DMD: variants seen among roughly 807,000 people sequenced by gnomAD.
DMD encodes mutant dystrophin.
In DMD, 63 loss-of-function variants were observed where a neutral mutation model predicts 330.1. That is an observed-to-expected ratio of 0.19 (90% confidence interval 0.16 to 0.24). The LOEUF (loss-of-function observed/expected upper bound fraction) is 0.24. DMD is among the 10% of genes least tolerant of loss of function. The pLI is 1.00. For synonymous variants in DMD, 1,223 were observed against 959.8 expected, an observed-to-expected ratio of 1.27 and a Z score of -5.07; for missense variants, 3,344 against 2,684.1, an observed-to-expected ratio of 1.25 and a Z score of -5.43.
chrX:31,888,553 T>C (rs935732956), intron 47 of DMD, among the ~76,000 whole-genome samples: 2 of 111,843 alleles, frequency 1.8e-5, no homozygotes, highest in African/African-American at 6.5e-5. Flanking sequence ...TAGTATGAAA[T>C]ATTTGGAGAG....
intron 7 of DMD, among the ~76,000 whole-genome samples, chrX:32,760,014 C>A (rs1266717744): frequency 8.9e-6 from 1 of 112,047 alleles, no homozygotes; most frequent in Non-Finnish European, 1.9e-5. Context: ...GAATCAGAAG[C>A]AAAGATGCTG....
At chrX:32,042,375 A>G (rs1462183718) in intron 44 of DMD, among the ~76,000 whole-genome samples, 4 of 109,605 alleles carry the variant, frequency 3.6e-5, no homozygotes, top group Non-Finnish European at 3.8e-5. Context: ...GTAGAAAGCA[A>G]GGCACCTCCT....
chrX:32,750,045 C>T (rs1358402262), intron 7 of DMD, among the ~76,000 whole-genome samples: 1 of 112,151 alleles, frequency 8.9e-6, no homozygotes, highest in East Asian at 2.8e-4. Flanking sequence ...CCTTATTTGT[C>T]ACTTTTACCC....
intron 1 of DMD, among the ~76,000 whole-genome samples, chrX:33,069,857 C>T (rs2094718450): frequency 9.0e-6 from 1 of 111,666 alleles, no homozygotes; most frequent in Admixed American, 9.6e-5. Context: ...CCATAAAAGT[C>T]CTTCTCTACT....
chrX:31,681,236 G>C (rs1449443899), intron 52 of DMD, among the ~76,000 whole-genome samples: 1 of 111,915 alleles, frequency 8.9e-6, no homozygotes, highest in Non-Finnish European at 1.9e-5. Context: ...ATCTTAGCTG[G>C]ACATACGTGT....
intron 43 of DMD, among the ~76,000 whole-genome samples, chrX:32,255,169 C>A (rs2097293249): frequency 8.9e-6 from 1 of 112,032 alleles, no homozygotes; most frequent in Non-Finnish European, 1.9e-5. Flanking sequence ...CGTTTTGTTT[C>A]TCCATTCTTG....
chrX:31,860,635 C>T (rs2093683539), intron 48 of DMD, among the ~76,000 whole-genome samples: 1 of 111,824 alleles, frequency 8.9e-6, no homozygotes, highest in Admixed American at 9.5e-5. Flanking sequence ...TTTTGATTTT[C>T]ACAAGGAAAA....
chrX:32,207,091 T>C (rs1398681561), intron 44 of DMD, among the ~76,000 whole-genome samples: 1 of 111,829 alleles, frequency 8.9e-6, no homozygotes, highest in African/African-American at 3.3e-5. Flanking sequence ...AAGATTCATC[T>C]CTTGGGTGCA....
intron 1 of DMD, among the ~76,000 whole-genome samples, chrX:33,181,882 A>C (rs62590984): frequency 9.0e-6 from 1 of 111,724 alleles, no homozygotes; most frequent in South Asian, 3.7e-4. Flanking sequence ...CGGCCAACCC[A>C]GTGCTTTCCA....
At chrX:32,476,004 G>A (rs1269159342) in intron 21 of DMD, among the ~76,000 whole-genome samples, 1 of 110,986 alleles carries the variant, frequency 9.0e-6, no homozygotes, top group African/African-American at 3.3e-5. Context: ...CTTATAAATA[G>A]CAGTGAAGTA....
intron 18 of DMD, among the ~76,000 whole-genome samples, chrX:32,503,679 C>T (rs762443624): frequency 9.0e-6 from 1 of 110,555 alleles, no homozygotes; most frequent in East Asian, 2.9e-4. Context: ...CTTCAGCCTC[C>T]CGAGTAGCCG....
chrX:31,221,360 T>C (rs2046010990), intron 64 of DMD, among the ~76,000 whole-genome samples: 1 of 112,486 alleles, frequency 8.9e-6, no homozygotes. Flanking sequence ...TCCCCTGGAA[T>C]TCTGTGCTTT....
rs1435657234 is a variant in DMD, at chrX:32,573,893, T to C, written c.1603-47A>G. ...ACAGCATCAGCAAACAATTGGTAAC[T>C]ACGTTTTATTAAAAATGGCATGAAT... On this transcript the variant is annotated intron_variant, in intron 13 of 78. Coordinates refer to ENST00000357033, the MANE Select transcript of DMD (RefSeq NM_004006.3). 9 of 1,060,092 alleles carry C rather than the reference T, an allele frequency of 8.5e-6. No individual in the cohort carries two copies. In the South Asian group the frequency reaches 1.7e-4, roughly 20 times the overall value. The allele number at this position is 1,060,092 out of a possible 1,213,427, so 87.4% of individuals were successfully genotyped here. A position where few individuals can be genotyped will look rare whatever the true frequency, so the allele number is the denominator to read the frequency against.
chrX:31,527,661 C>A (rs927119857), intron 55 of DMD, among the ~76,000 whole-genome samples: 1 of 111,294 alleles, frequency 9.0e-6, no homozygotes, highest in Non-Finnish European at 1.9e-5. Flanking sequence ...TTCCAAAGTT[C>A]TTTCTCCAGC....
intron 34 of DMD, 77 bp downstream of exon 34, chrX:32,380,431 CAT>C (rs2097919983): frequency 4.8e-5 from 43 of 898,990 alleles, no homozygotes; most frequent in Non-Finnish European, 6.7e-5. Flanking sequence ...ATTATTGCTA[CAT>C]GTTAATACTT....
At chrX:33,011,032 T>TG (rs1314257761) in intron 2 of DMD, among the ~76,000 whole-genome samples, 1 of 111,492 alleles carries the variant, frequency 9.0e-6, no homozygotes, top group Non-Finnish European at 1.9e-5. Flanking sequence ...GGAGTGTGCA[T>TG]GGTATCAAAC....
intron 11 of DMD, among the ~76,000 whole-genome samples, chrX:32,615,688 C>A (rs1055935169): frequency 1.8e-5 from 2 of 111,319 alleles, no homozygotes; most frequent in Non-Finnish European, 3.8e-5. Context: ...AAAGTGCACA[C>A]ATAGCTGAGA....
chrX:31,388,350 G>A (rs1428463383), intron 60 of DMD, among the ~76,000 whole-genome samples: 1 of 110,465 alleles, frequency 9.1e-6, no homozygotes, highest in Non-Finnish European at 1.9e-5. Context: ...GAGGGCAGGG[G>A]TTTTGTCTTG....
intron 39 of DMD, 95 bp downstream of exon 39, chrX:32,345,848 A>AGT: frequency 2.3e-6 from 2 of 876,608 alleles, no homozygotes; most frequent in Admixed American, 3.2e-5. Flanking sequence ...CTGATGACTA[A>AGT]GTCTGAAGCA....
Sources: gnomAD v4.1 joint callset for allele counts (sites outside exome capture counted in the v4.1 genomes callset) on GRCh38, gnomAD v4.1.1 for gene constraint, MANE v1.5 for transcripts, NCBI Gene and HGNC (gene_info 2026-07-23, HGNC 2026-07-21) for gene names.